LRRC37A2: variants seen among roughly 807,000 people sequenced by gnomAD.
LRRC37A2 encodes leucine rich repeat containing 37 member A2.
In LRRC37A2, 9 loss-of-function variants were observed where a neutral mutation model predicts 68.8. That is an observed-to-expected ratio of 0.13 (90% CI 0.08 to 0.23). The LOEUF (loss-of-function observed/expected upper bound fraction) is 0.23. Among genes scored for constraint, LRRC37A2 ranks in the 10% least tolerant of loss-of-function variants. The pLI is 1.00. For synonymous variants in LRRC37A2, 63 were observed against 367.6 expected (o/e 0.17, Z 9.48); for missense variants, 168 against 950.4 (o/e 0.18, Z 10.82).
chr17:46,904,958 C>T, the LRRC37A2 span, among the ~76,000 whole-genome samples: 7 of 152,310 alleles, frequency 4.6e-5, no homozygotes, highest in African/African-American at 1.4e-4. Context: ...AGTTGTCCAC[C>T]CCCACCGTAA....
the LRRC37A2 span, among the ~76,000 whole-genome samples, chr17:47,020,705 C>T: frequency 7.5e-6 from 1 of 134,116 alleles, no homozygotes; most frequent in African/African-American, 2.8e-5. Context: ...TGGCGTGAAC[C>T]TGGGAGGCAG....
the LRRC37A2 span, among the ~76,000 whole-genome samples, chr17:46,985,885 G>T: frequency 6.6e-6 from 1 of 152,218 alleles, no homozygotes; most frequent in Admixed American, 6.5e-5. Flanking sequence ...CTTCTTGTGG[G>T]CTTGAAGACA....
At chr17:46,937,414 A>C in the LRRC37A2 span, 1 of 152,202 alleles carries the variant, frequency 6.6e-6, no homozygotes, top group Non-Finnish European at 1.5e-5. Context: ...TTATAGTATA[A>C]AATATTCTAA....
chr17:46,989,495 A>G, the LRRC37A2 span, among the ~76,000 whole-genome samples: 1 of 152,214 alleles, frequency 6.6e-6, no homozygotes, highest in African/African-American at 2.4e-5. Flanking sequence ...AAGGGGATGC[A>G]TGATTGAGGC....
chr17:46,829,764 G>A, the LRRC37A2 span, among the ~76,000 whole-genome samples: 3 of 150,708 alleles, frequency 2.0e-5, no homozygotes, highest in East Asian at 5.9e-4. Context: ...GTTGGGATGG[G>A]AGTAGGGGGT....
At chr17:46,985,656 C>T in the LRRC37A2 span, among the ~76,000 whole-genome samples, 1 of 152,180 alleles carries the variant, frequency 6.6e-6, no homozygotes, top group African/African-American at 2.4e-5. Context: ...ATGGAGCTCA[C>T]AACCCAACAG....
At chr17:47,038,174 C>T in the LRRC37A2 span, among the ~76,000 whole-genome samples, 1 of 152,114 alleles carries the variant, frequency 6.6e-6, no homozygotes, top group Non-Finnish European at 1.5e-5. Flanking sequence ...AACATGGTGG[C>T]ACACGCCTGT....
At chr17:46,822,042 G>A in the LRRC37A2 span, among the ~76,000 whole-genome samples, 1 of 152,256 alleles carries the variant, frequency 6.6e-6, no homozygotes, top group African/African-American at 2.4e-5. Context: ...CCAACCTGGG[G>A]GGGTAAAGGG....
the LRRC37A2 span, among the ~76,000 whole-genome samples, chr17:46,881,021 C>T: frequency 5.9e-5 from 9 of 152,340 alleles, no homozygotes; most frequent in Admixed American, 2.0e-4. Context: ...CATTTACACA[C>T]GAATCCTGTG....
chr17:46,845,582 T>C, the LRRC37A2 span, among the ~76,000 whole-genome samples: 1 of 149,386 alleles, frequency 6.7e-6, no homozygotes, highest in African/African-American at 2.5e-5. Flanking sequence ...CTCTGCCTCC[T>C]GGGTTCAAAC....
the LRRC37A2 span, among the ~76,000 whole-genome samples, chr17:46,741,835 C>T: frequency 4.6e-5 from 7 of 152,158 alleles, no homozygotes; most frequent in Admixed American, 6.5e-5. Flanking sequence ...GGCGCCATCT[C>T]GGCTCACTGC....
chr17:46,940,766 T>A, the LRRC37A2 span: 2 of 1,533,794 alleles, frequency 1.3e-6, no homozygotes, highest in Non-Finnish European at 1.8e-6. Flanking sequence ...GAGCCAGTCC[T>A]CTAGTTTGGA....
At chr17:46,939,529 G>A in the LRRC37A2 span, 4 of 985,654 alleles carry the variant, frequency 4.1e-6, no homozygotes, top group Middle Eastern at 5.2e-4. Context: ...TGGCACCTGC[G>A]CCCAGGCTTT....
the LRRC37A2 span, among the ~76,000 whole-genome samples, chr17:46,917,978 C>T: frequency 1.3e-5 from 2 of 152,178 alleles, no homozygotes; most frequent in Non-Finnish European, 2.9e-5. Context: ...ACTTATTAGA[C>T]AATAAACAAA....
At chr17:46,962,006 A>G in the LRRC37A2 span, among the ~76,000 whole-genome samples, 1 of 152,138 alleles carries the variant, frequency 6.6e-6, no homozygotes, top group Non-Finnish European at 1.5e-5. Flanking sequence ...TAAAATGAGG[A>G]TAAGGGAGTG....
the LRRC37A2 span, chr17:46,711,016 C>T: frequency 1.3e-6 from 2 of 1,593,840 alleles, no homozygotes; most frequent in African/African-American, 2.7e-5. Flanking sequence ...ACGGTATCAT[C>T]AAATGGGGTG....
chr17:46,873,625 G>A, the LRRC37A2 span, among the ~76,000 whole-genome samples: 2 of 152,248 alleles, frequency 1.3e-5, no homozygotes, highest in South Asian at 2.1e-4. Context: ...TTGGGAGGCC[G>A]AAGCGGGTGG....
At chr17:46,972,627 C>T in the LRRC37A2 span, among the ~76,000 whole-genome samples, 1 of 152,222 alleles carries the variant, frequency 6.6e-6, no homozygotes, top group East Asian at 1.9e-4. Flanking sequence ...TTCCATGTCC[C>T]GGGCTTTCTG....
the LRRC37A2 span, among the ~76,000 whole-genome samples, chr17:47,021,087 T>G: frequency 2.6e-5 from 4 of 152,134 alleles, no homozygotes; most frequent in African/African-American, 7.2e-5. Context: ...GAGGGAGCAA[T>G]GAAGATATGA....
Sources: gnomAD v4.1 joint callset for allele counts (sites outside exome capture counted in the v4.1 genomes callset) on GRCh38, gnomAD v4.1.1 for gene constraint, MANE v1.5 for transcripts, NCBI Gene and HGNC (gene_info 2026-07-23, HGNC 2026-07-21) for gene names.